Variants in RGS7 observed in about 807,000 individuals in gnomAD.
RGS7 encodes the protein regulator of G-protein signaling 7.
In RGS7, 27 loss-of-function variants were observed where a neutral mutation model predicts 81.1. The observed-to-expected ratio is 0.33, with a 90% CI of 0.25 to 0.46. RGS7 has a LOEUF of 0.46. Ranked by LOEUF, RGS7 falls within the 20% of genes least tolerant of loss-of-function variation. The pLI is 1.00. For synonymous variants in RGS7, 208 were observed against 207.7 expected (o/e 1.00, Z -0.01); for missense variants, 396 against 607.4 (o/e 0.65, Z 3.66).
chr1:241,306,368 C>T (rs1210851740), intron 2 of RGS7, among the ~76,000 whole-genome samples: 1 of 151,382 alleles, frequency 6.6e-6, no homozygotes, highest in African/African-American at 2.4e-5. Flanking sequence ...CACATGTCCA[C>T]ACACACGCAC....
intron 2 of RGS7, among the ~76,000 whole-genome samples, chr1:241,194,356 T>C (rs2072911922): frequency 2.6e-5 from 4 of 152,308 alleles, no homozygotes; most frequent in South Asian, 2.1e-4. Context: ...TTTAAAGAAT[T>C]TTATCAGTAT....
At chr1:241,126,057 G>A (rs1334129700) in intron 2 of RGS7, among the ~76,000 whole-genome samples, 1 of 152,078 alleles carries the variant, frequency 6.6e-6, no homozygotes, top group Non-Finnish European at 1.5e-5. Context: ...AGAAGATAAC[G>A]TTGCCTTACA....
chr1:241,083,150 G>T (rs971550043), intron 3 of RGS7, among the ~76,000 whole-genome samples: 2 of 151,222 alleles, frequency 1.3e-5, no homozygotes, highest in Non-Finnish European at 2.9e-5. Context: ...GCTTGAATCT[G>T]GGAGGCAAGA....
intron 2 of RGS7, among the ~76,000 whole-genome samples, chr1:241,171,008 C>T (rs1424736333): frequency 6.6e-6 from 1 of 152,114 alleles, no homozygotes; most frequent in Non-Finnish European, 1.5e-5. Context: ...AGTGTAGGAG[C>T]TATCAGTCCT....
chr1:240,870,992 T>A (rs966908333), intron 6 of RGS7, among the ~76,000 whole-genome samples: 1 of 152,180 alleles, frequency 6.6e-6, no homozygotes, highest in Non-Finnish European at 1.5e-5. Context: ...TGGGCTACCA[T>A]GGAAAGTCCA....
chr1:240,994,679 C>G (rs1687004373), intron 3 of RGS7, among the ~76,000 whole-genome samples: 1 of 151,792 alleles, frequency 6.6e-6, no homozygotes, highest in Non-Finnish European at 1.5e-5. Context: ...TGCTTTATTG[C>G]CCTGACTAGA....
At chr1:240,783,732 C>G (rs537963706) in intron 18 of RGS7, among the ~76,000 whole-genome samples, 3 of 152,130 alleles carry the variant, frequency 2.0e-5, no homozygotes, top group African/African-American at 7.2e-5. Flanking sequence ...GAAGGCCAGG[C>G]TCTTAGCTAT....
At chr1:241,067,713 C>T (rs2062151895) in intron 3 of RGS7, among the ~76,000 whole-genome samples, 1 of 151,954 alleles carries the variant, frequency 6.6e-6, no homozygotes, top group Admixed American at 6.6e-5. Flanking sequence ...TGGGGTTTCA[C>T]CATGTTGGCC....
At chr1:241,251,987 T>C (rs956444050) in intron 2 of RGS7, among the ~76,000 whole-genome samples, 16 of 152,152 alleles carry the variant, frequency 1.1e-4, no homozygotes, top group African/African-American at 2.6e-4. Flanking sequence ...GCGTGACTTA[T>C]AGTCCCTCAT....
chr1:241,118,808 T>G (rs189834812), intron 2 of RGS7, among the ~76,000 whole-genome samples: 267 of 152,212 alleles, frequency 1.8e-3, no homozygotes, highest in Non-Finnish European at 3.1e-3. Context: ...CAAATACCTT[T>G]TGTTCTCACT....
intron 2 of RGS7, among the ~76,000 whole-genome samples, chr1:241,317,300 G>T (rs1338467176): frequency 6.6e-6 from 1 of 152,158 alleles, no homozygotes; most frequent in Non-Finnish European, 1.5e-5. Flanking sequence ...TTATATAATT[G>T]AATAGTTAAT....
intron 9 of RGS7, among the ~76,000 whole-genome samples, chr1:240,837,472 T>G (rs1694912513): frequency 1.3e-5 from 2 of 152,256 alleles, no homozygotes; most frequent in Admixed American, 1.3e-4. Context: ...ATACCCATAA[T>G]TGAACTGGCA....
chr1:240,935,828 C>A (rs1002398931), intron 5 of RGS7, among the ~76,000 whole-genome samples: 1 of 152,160 alleles, frequency 6.6e-6, no homozygotes, highest in Non-Finnish European at 1.5e-5. Context: ...GTGGGGAGAA[C>A]CCTCCAGCAA....
chr1:240,803,102 TAATAAC>T (rs1348258545), intron 15 of RGS7, 109 bp from the exon 16 acceptor site: 42 of 763,600 alleles, frequency 5.5e-5, no homozygotes, highest in African/African-American at 1.0e-4. Flanking sequence ...CGAAAAATAG[TAATAAC>T]AATGCTGATT....
At chr1:241,189,129 C>T (rs2072383502) in intron 2 of RGS7, among the ~76,000 whole-genome samples, 2 of 152,134 alleles carry the variant, frequency 1.3e-5, no homozygotes, top group African/African-American at 2.4e-5. Flanking sequence ...CACATGCCAC[C>T]ACACCTAGCT....
chr1:241,022,875 G>GT (rs2059607798), intron 3 of RGS7, among the ~76,000 whole-genome samples: 1 of 152,090 alleles, frequency 6.6e-6, no homozygotes. Context: ...GGCTTAAAAG[G>GT]TTAGGTAACT....
intron 9 of RGS7, among the ~76,000 whole-genome samples, chr1:240,855,739 C>CCAA (rs1294829745): frequency 1.3e-5 from 2 of 151,974 alleles, no homozygotes; most frequent in Non-Finnish European, 1.5e-5. Flanking sequence ...AGTTAATCTA[C>CCAA]TTGTGAAAAA....
intron 2 of RGS7, among the ~76,000 whole-genome samples, chr1:241,254,142 G>A (rs2076952224): frequency 1.3e-5 from 2 of 149,844 alleles, no homozygotes. Context: ...GGGGCTTGCA[G>A]TGAGCCAAGA....
chr1:240,832,443 T>C (rs548995115), intron 9 of RGS7, among the ~76,000 whole-genome samples: 121 of 152,350 alleles, frequency 7.9e-4, no homozygotes, highest in African/African-American at 2.8e-3. Context: ...AAGCCACTCC[T>C]GAGGGAGTAA....
Sources: gnomAD v4.1 joint callset for allele counts (sites outside exome capture counted in the v4.1 genomes callset) on GRCh38, gnomAD v4.1.1 for gene constraint, MANE v1.5 for transcripts, NCBI Gene and HGNC (gene_info 2026-07-23, HGNC 2026-07-21) for gene names.